The following CNKSR2 variants were observed in gnomAD, a reference collection of about 807,000 sequenced individuals.
CNKSR2 encodes connector enhancer of kinase suppressor of Ras 2.
A neutral mutation model predicts 84.4 loss-of-function variants in CNKSR2; 14 were observed. That is an observed-to-expected ratio of 0.17 (90% confidence interval 0.11 to 0.26). The LOEUF is 0.26. Among genes scored for constraint, CNKSR2 ranks in the 10% least tolerant of loss-of-function variants. The pLI is 1.00. For missense variants in CNKSR2, 485 were observed against 771.2 expected, an observed-to-expected ratio of 0.63 and a Z score of 4.40; for synonymous variants, 275 against 277.9, an observed-to-expected ratio of 0.99 and a Z score of 0.10.
chrX:21,549,612 A>G (rs752815978), intron 11 of CNKSR2, among the ~76,000 whole-genome samples: 1 of 112,322 alleles, frequency 8.9e-6, no homozygotes, highest in East Asian at 2.8e-4. Context: ...ACCCAGGACA[A>G]TCCTAAGCAA....
intron 8 of CNKSR2, among the ~76,000 whole-genome samples, chrX:21,508,854 A>G (rs1300829531): frequency 8.9e-6 from 1 of 112,555 alleles, no homozygotes; most frequent in East Asian, 2.8e-4. Flanking sequence ...TGGGTGATTC[A>G]TAAAACTTAC....
At chrX:21,483,829 C>T (rs1206234407) in intron 5 of CNKSR2, among the ~76,000 whole-genome samples, 1 of 109,402 alleles carries the variant, frequency 9.1e-6, no homozygotes, top group African/African-American at 3.3e-5. Context: ...TTTAGTGAGG[C>T]GTATACTTAC....
chrX:21,481,755 G>GA (rs760644339), intron 5 of CNKSR2, among the ~76,000 whole-genome samples: 33 of 112,054 alleles, frequency 2.9e-4, no homozygotes, highest in Middle Eastern at 4.6e-3. Context: ...GCCATGTTGT[G>GA]AGAGGGCCTG....
intron 4 of CNKSR2, among the ~76,000 whole-genome samples, chrX:21,469,914 A>T (rs190750949): frequency 4.7e-4 from 53 of 112,241 alleles, no homozygotes; most frequent in African/African-American, 1.5e-3. Flanking sequence ...CTGTCTCAAA[A>T]AAAGTAAATA....
intron 11 of CNKSR2, among the ~76,000 whole-genome samples, chrX:21,553,859 ATCTT>A (rs750212918): frequency 2.7e-5 from 3 of 111,671 alleles, no homozygotes; most frequent in Non-Finnish European, 3.8e-5. Context: ...TGCCTGTGTC[ATCTT>A]TCTTGTTCAC....
At chrX:21,469,649 G>T (rs982671201) in intron 4 of CNKSR2, among the ~76,000 whole-genome samples, 9 of 110,640 alleles carry the variant, frequency 8.1e-5, no homozygotes, top group Admixed American at 6.8e-4. Flanking sequence ...AGTGGCTCAC[G>T]CCTGTAATCC....
At chrX:21,468,922 A>G (rs1266987119) in intron 4 of CNKSR2, among the ~76,000 whole-genome samples, 1 of 112,102 alleles carries the variant, frequency 8.9e-6, no homozygotes, top group Non-Finnish European at 1.9e-5. Context: ...ATTCTGCATG[A>G]CAATAATAAT....
chrX:21,576,294 G>T (rs1003305854), intron 13 of CNKSR2, among the ~76,000 whole-genome samples: 3 of 111,854 alleles, frequency 2.7e-5, no homozygotes, highest in African/African-American at 9.7e-5. Context: ...CCAGCCACTT[G>T]GAAATTAAAG....
At chrX:21,410,032 C>CTGTGTGTGTG (rs60351010) in intron 1 of CNKSR2, among the ~76,000 whole-genome samples, 12 of 97,688 alleles carry the variant, frequency 1.2e-4, no homozygotes, top group African/African-American at 4.5e-4. Flanking sequence ...CTAATTGTGT[C>CTGTGTGTGTG]TGTGTGTGTG....
chrX:21,600,753 A>C (rs1314425048), intron 17 of CNKSR2, among the ~76,000 whole-genome samples: 1 of 112,150 alleles, frequency 8.9e-6, no homozygotes, highest in African/African-American at 3.2e-5. Context: ...AAAACCCCAT[A>C]CCCTTGTATT....
At chrX:21,516,407 A>G in intron 8 of CNKSR2, 78 bp from the exon 9 acceptor site, 2 of 1,020,908 alleles carry the variant, frequency 2.0e-6, no homozygotes, top group Non-Finnish European at 2.7e-6. Flanking sequence ...TTTTTTACTA[A>G]TCTTATTAAA....
chrX:21,384,642 T>A (rs2089944359), intron 1 of CNKSR2, among the ~76,000 whole-genome samples: 1 of 111,849 alleles, frequency 8.9e-6, no homozygotes, highest in Non-Finnish European at 1.9e-5. Flanking sequence ...CAAACAAGAT[T>A]GGAAAGAAAT....
At chrX:21,403,164 A>C (rs1275598802) in intron 1 of CNKSR2, among the ~76,000 whole-genome samples, 1 of 110,712 alleles carries the variant, frequency 9.0e-6, no homozygotes, top group Non-Finnish European at 1.9e-5. Flanking sequence ...ACAATAGGAA[A>C]ATTTTCTTCT....
chrX:21,397,102 T>G (rs1349542747), intron 1 of CNKSR2, among the ~76,000 whole-genome samples: 3 of 111,531 alleles, frequency 2.7e-5, no homozygotes, highest in Non-Finnish European at 5.7e-5. Context: ...AATCTTCTCC[T>G]GATGGTCTTC....
At chrX:21,397,687 T>C (rs2090137437) in intron 1 of CNKSR2, among the ~76,000 whole-genome samples, 1 of 111,149 alleles carries the variant, frequency 9.0e-6, no homozygotes, top group Non-Finnish European at 1.9e-5. Context: ...TCTGTAGTAC[T>C]GTAGGGTAAC....
chrX:21,462,726 T>C (rs2091076637), intron 4 of CNKSR2, among the ~76,000 whole-genome samples: 1 of 107,577 alleles, frequency 9.3e-6, no homozygotes, highest in Non-Finnish European at 1.9e-5. Context: ...TTTTTTTTTT[T>C]TTTTTGAGAC....
At chrX:21,426,399 G>A in intron 1 of CNKSR2, 98 bp from the exon 2 acceptor site, 3 of 796,810 alleles carry the variant, frequency 3.8e-6, no homozygotes, top group African/African-American at 4.1e-5. Context: ...GACTTAATTT[G>A]TGACATGGTA....
chrX:21,651,893 T>C (rs926676388), intron 21 of CNKSR2, among the ~76,000 whole-genome samples: 1 of 111,905 alleles, frequency 8.9e-6, no homozygotes, highest in African/African-American at 3.3e-5. Flanking sequence ...GCAGGAGAAA[T>C]AGAACACATG....
At chrX:21,481,489 T>TC (rs1448557903) in intron 5 of CNKSR2, among the ~76,000 whole-genome samples, 3 of 111,714 alleles carry the variant, frequency 2.7e-5, no homozygotes, top group Non-Finnish European at 5.6e-5. Context: ...AGGACCCCTG[T>TC]CCCCTGGTAT....
Sources: gnomAD v4.1 joint callset for allele counts (sites outside exome capture counted in the v4.1 genomes callset) on GRCh38, gnomAD v4.1.1 for gene constraint, MANE v1.5 for transcripts, NCBI Gene and HGNC (gene_info 2026-07-23, HGNC 2026-07-21) for gene names.